Variants in SORBS2 observed in about 807,000 individuals in gnomAD.
The protein encoded by SORBS2 is sorbin and SH3 domain-containing protein 2.
In SORBS2, 46 loss-of-function variants were observed where a neutral mutation model predicts 97.7. That is an observed-to-expected ratio of 0.47 (90% CI 0.37 to 0.60). The LOEUF is 0.60. Among genes scored for constraint, SORBS2 ranks in the 20% least tolerant of loss-of-function variants. The pLI is 0.00. For missense variants in SORBS2, 1,316 were observed against 1,282.3 expected, an observed-to-expected ratio of 1.03 and a Z score of -0.40; for synonymous variants, 476 against 473.4, an observed-to-expected ratio of 1.01 and a Z score of -0.07.
At chr4:185,743,840 C>T (rs1022216973) in intron 2 of SORBS2, among the ~76,000 whole-genome samples, 1 of 150,486 alleles carries the variant, frequency 6.6e-6, no homozygotes, top group East Asian at 2.0e-4. Context: ...TTCTTTCCTC[C>T]TCCTCCTCCT....
intron 14 of SORBS2, 62 bp from the exon 27 acceptor site, chr4:185,587,750 T>G (rs2095819706): frequency 7.7e-7 from 1 of 1,298,822 alleles, no homozygotes; most frequent in Non-Finnish European, 1.1e-6. Context: ...ACACATGGGC[T>G]TGAATACTTC....
At chr4:185,892,576 T>G (rs1387377286) in intron 1 of SORBS2, among the ~76,000 whole-genome samples, 1 of 152,196 alleles carries the variant, frequency 6.6e-6, no homozygotes, top group Non-Finnish European at 1.5e-5. Context: ...TATCGCAGAA[T>G]ATTATTTAAC....
chr4:185,731,866 C>CTCTCTCTCTG (rs1286500642), intron 2 of SORBS2, among the ~76,000 whole-genome samples: 1 of 24,676 alleles, frequency 4.1e-5, no homozygotes. Context: ...CTCTCTCTCT[C>CTCTCTCTCTG]TATATATATA....
intron 1 of SORBS2, among the ~76,000 whole-genome samples, chr4:185,902,457 G>GAACCAAGTTCCTCAACTGAACC (rs2099248234): frequency 6.6e-6 from 1 of 152,110 alleles, no homozygotes; most frequent in African/African-American, 2.4e-5. Flanking sequence ...AATGGCCTGT[G>GAACCAAGTTCCTCAACTGAACC]AAGTAACTGA....
At chr4:185,734,852 C>T (rs1340963793) in intron 2 of SORBS2, among the ~76,000 whole-genome samples, 1 of 152,198 alleles carries the variant, frequency 6.6e-6, no homozygotes, top group Non-Finnish European at 1.5e-5. Context: ...TCTTCAGGTC[C>T]CCCTCATCCT....
At chr4:185,665,216 A>G (rs1263718421) in intron 4 of SORBS2, among the ~76,000 whole-genome samples, 1 of 152,188 alleles carries the variant, frequency 6.6e-6, no homozygotes, top group East Asian at 1.9e-4. Flanking sequence ...TCACTCCTGG[A>G]CAATAGATGA....
intron 9 of SORBS2, 123 bp from the exon 22 acceptor site, chr4:185,615,282 T>C (rs2096611015): frequency 1.5e-6 from 1 of 655,248 alleles, no homozygotes; most frequent in Non-Finnish European, 2.7e-6. Flanking sequence ...ATCCAATTGA[T>C]ATTGAGTCCG....
intron 1 of SORBS2, among the ~76,000 whole-genome samples, chr4:185,938,502 CA>C (rs2099270236): frequency 6.6e-6 from 1 of 151,500 alleles, no homozygotes; most frequent in South Asian, 2.1e-4. Context: ...TCAGGAAGAT[CA>C]GAACTCAAAC....
At chr4:185,776,069 C>T (rs1407179538) in intron 1 of SORBS2, among the ~76,000 whole-genome samples, 1 of 152,108 alleles carries the variant, frequency 6.6e-6, no homozygotes, top group African/African-American at 2.4e-5. Flanking sequence ...AACTTTGAGC[C>T]TTCATTTTGT....
intron 1 of SORBS2, among the ~76,000 whole-genome samples, chr4:185,817,836 G>T (rs1211783604): frequency 6.6e-6 from 1 of 152,232 alleles, no homozygotes; most frequent in African/African-American, 2.4e-5. Context: ...AATCTCAAAA[G>T]AAGTGAAAAT....
chr4:185,833,789 C>T (rs1463305074), intron 1 of SORBS2, among the ~76,000 whole-genome samples: 1 of 151,958 alleles, frequency 6.6e-6, no homozygotes, highest in African/African-American at 2.4e-5. Flanking sequence ...TCAGTTAATA[C>T]AAAAATGAAA....
rs1561211191 is a variant in SORBS2, at chr4:185,827,303, CCAT to C, written c.-337-51940_-337-51938del. On this transcript the variant is annotated intron_variant, in intron 1 of 20. Transcript: ENST00000284776. ...ATCATCATCACCATCATCATCATCA[CCAT>C]CATCACCATCATCACCATCATCATC... Among the ~76,000 whole-genome samples the C allele has an allele frequency of 3.2e-4, 8 of 24,998 alleles. 1 individual carries two copies. The highest frequency in any genetic ancestry group is 9.5e-4 in the African/African-American group (7 of 7,404). The allele number at this position is 24,998 out of a possible 152,430, so 16.4% of individuals were successfully genotyped here. A position where few individuals can be genotyped will look rare whatever the true frequency, so the allele number is the denominator to read the frequency against.
intron 1 of SORBS2, among the ~76,000 whole-genome samples, chr4:185,927,547 G>T (rs2099264360): frequency 6.6e-6 from 1 of 150,382 alleles, no homozygotes; most frequent in Non-Finnish European, 1.5e-5. Flanking sequence ...TTGGTTTTCT[G>T]TTCCTGTGTT....
chr4:185,684,622 G>T lies in SORBS2; in HGVS notation c.-197-5800C>A. On this transcript the variant is annotated intron_variant, in intron 2 of 20. Transcript: ENST00000284776. This position sits in a 1 kb window ranked among gnomAD's most constrained non-coding sequence, Gnocchi z 4.2. ...AACCTATTTTTGGCAAGTGACTGCTGTTTTTAATTACACATTTAAAATGTT... is the reference window on the plus strand; with the variant it reads ...AACCTATTTTTGGCAAGTGACTGCTTTTTTTAATTACACATTTAAAATGTT... The T allele has an allele frequency of 1.5e-6, 1 of 675,072 alleles. No individual in the cohort carries two copies. Among genetic ancestry groups the T allele is most frequent in the Non-Finnish European group, 2.5e-6 (1 of 402,910 alleles). 41.8% of individuals were successfully genotyped at this position (675,072 alleles called of 1,614,324 possible). A position where few individuals can be genotyped will look rare whatever the true frequency, so the allele number is the denominator to read the frequency against.
At chr4:185,695,537 T>C (rs570777255) in intron 2 of SORBS2, among the ~76,000 whole-genome samples, 1 of 151,866 alleles carries the variant, frequency 6.6e-6, no homozygotes, top group South Asian at 2.1e-4. Context: ...ATTTTAAACA[T>C]GAACATAAAA....
At position 185,623,343 on chromosome 4, in the gene SORBS2, G is replaced by A. The variant is rs144664352; in HGVS notation, c.1786C>T (p.Pro596Ser). The stretch of plus-strand genomic sequence containing the variant: ...AGAAAAGCAAGTTTAGAAAGGCCAG[G>A]GTCCATTTCTTGCCTTCTGGGCTCC... The change falls in exon 7 of 15, where the codon CCT (proline) becomes TCT (serine). Residue 596 changes from proline (P) to serine (S), a missense_variant. Pro to Ser is a moderately conservative substitution (Grantham distance 74). Coordinates refer to ENST00000418609, the Ensembl canonical transcript of SORBS2. The surrounding 1 kb of genome is among the most constrained non-coding windows in gnomAD (Gnocchi z 6.4). 6.2e-7 allele frequency: 1 copy of A among 1,613,890 alleles called. No individual in the cohort carries two copies. Among genetic ancestry groups the A allele is most frequent in the African/African-American group, 1.3e-5 (1 of 75,008 alleles).
intron 1 of SORBS2, among the ~76,000 whole-genome samples, chr4:185,951,776 C>A (rs2099277335): frequency 6.6e-6 from 1 of 152,188 alleles, no homozygotes; most frequent in East Asian, 1.9e-4. Context: ...CATCGGGTAA[C>A]TTAGGCAGCT....
At chr4:185,678,437 T>G (rs2097826644) in exon 4 of SORBS2, 1 of 1,550,232 alleles carries the variant, frequency 6.5e-7, no homozygotes. Context: ...GTTGGTGATC[T>G]TTTATCTTGT....
At chr4:185,751,778 G>C (rs2098801875) in intron 2 of SORBS2, among the ~76,000 whole-genome samples, 1 of 152,166 alleles carries the variant, frequency 6.6e-6, no homozygotes, top group Admixed American at 6.5e-5. Context: ...AGGAGCAGTG[G>C]GGATAACAAC....
Sources: gnomAD v4.1 joint callset for allele counts (sites outside exome capture counted in the v4.1 genomes callset) on GRCh38, gnomAD v4.1.1 for gene constraint, Gnocchi (gnomAD v3.1) non-coding constraint, MANE v1.5 for transcripts, NCBI Gene and HGNC (gene_info 2026-07-23, HGNC 2026-07-21) for gene names.